Variants in PRKN observed in about 807,000 individuals in gnomAD.
PRKN encodes the protein parkin RBR E3 ubiquitin protein ligase.
In PRKN, 56 loss-of-function variants were observed where a neutral mutation model predicts 59.5. That is an observed-to-expected ratio of 0.94 (90% CI 0.76 to 1.18). The LOEUF (loss-of-function observed/expected upper bound fraction) is 1.18. Ranked by LOEUF, PRKN falls within the 50% of genes most tolerant of loss-of-function variation. The pLI is 0.00. For missense variants in PRKN, 657 were observed against 596.4 expected, an observed-to-expected ratio of 1.10 and a Z score of -1.06; for synonymous variants, 250 against 222.1, an observed-to-expected ratio of 1.13 and a Z score of -1.12.
rs1245394434 is a variant in PRKN at position 162,074,182 on chromosome 6, G to A, written c.535-20008C>T. ...TGCTGCTATAAAGACACATGCACACGTATGTTTATTGCCGCATTATTCACA... is the reference window on the plus strand; with the variant it reads ...TGCTGCTATAAAGACACATGCACACATATGTTTATTGCCGCATTATTCACA... On this transcript the variant is annotated intron_variant, in intron 4 of 11. Transcript: ENST00000366898. 4.0e-4 allele frequency among the ~76,000 whole-genome samples: 56 copies of A among 139,274 alleles called. 1 individual carries two copies. Among genetic ancestry groups the A allele is most frequent in the African/African-American group, 1.5e-3 (54 of 36,484 alleles). The allele number at this position is 139,274 out of a possible 152,430, so 91.4% of individuals were successfully genotyped here. A position where few individuals can be genotyped will look rare whatever the true frequency, so the allele number is the denominator to read the frequency against.
rs193071213 is a variant in PRKN, at chr6:161,856,440, C to T, written c.735-70532G>A. 2.0e-4 allele frequency among the ~76,000 whole-genome samples: 31 copies of T among 151,998 alleles called. No homozygotes were observed. The East Asian group carries it at 5.2e-3, about 26-fold the overall frequency. Reference sequence around the variant, plus strand: ...GAGCTTCTGTAGGATGAAAAAAAGGCGCTGATATATGCTTTCTGTAATTTG... The same window carrying T: ...GAGCTTCTGTAGGATGAAAAAAAGGTGCTGATATATGCTTTCTGTAATTTG... On this transcript the variant is annotated intron_variant, in intron 6 of 11. Coordinates refer to ENST00000366898, the MANE Select transcript of PRKN (RefSeq NM_004562.3).
At chr6:161,916,808 CTTTTTT>C (rs761940319) in intron 6 of PRKN, among the ~76,000 whole-genome samples, 1 of 151,662 alleles carries the variant, frequency 6.6e-6, no homozygotes, top group Admixed American at 6.6e-5. Flanking sequence ...TTTTCTTTTT[CTTTTTT>C]TTGAGGCGGA....
chr6:162,548,106 C>G (rs1779189093), intron 1 of PRKN, among the ~76,000 whole-genome samples: 1 of 152,094 alleles, frequency 6.6e-6, no homozygotes, highest in African/African-American at 2.4e-5. Context: ...TGTCACCAGG[C>G]TCGTGTGCAG....
chr6:162,614,187 G>T (rs1287452774), intron 1 of PRKN, among the ~76,000 whole-genome samples: 1 of 152,088 alleles, frequency 6.6e-6, no homozygotes, highest in Non-Finnish European at 1.5e-5. Flanking sequence ...ACATGTAAGA[G>T]ATATCTGAAC....
chr6:162,476,661 T>C (rs1471538693), intron 1 of PRKN, among the ~76,000 whole-genome samples: 3 of 152,116 alleles, frequency 2.0e-5, no homozygotes, highest in African/African-American at 7.2e-5. Context: ...AAGCTCGGTC[T>C]TGCCTGGTTC....
chr6:162,598,163 T>C lies in PRKN; in HGVS notation c.7+129499A>G, dbSNP rs192599269. Reference sequence around the variant, plus strand: ...GCATTTTCATTTTAAATTTTAACTTTCTTATAAATTTCTGAGAAATTGTTT... The same window carrying C: ...GCATTTTCATTTTAAATTTTAACTTCCTTATAAATTTCTGAGAAATTGTTT... On this transcript the variant is annotated intron_variant, in intron 1 of 11. Coordinates refer to ENST00000366898, the MANE Select transcript of PRKN (RefSeq NM_004562.3). Among the ~76,000 whole-genome samples the C allele has an allele frequency of 1.5e-3, 226 of 152,284 alleles. 1 individual carries two copies. Among genetic ancestry groups the C allele is most frequent in the Middle Eastern group, 3.4e-3 (1 of 294 alleles).
intron 6 of PRKN, among the ~76,000 whole-genome samples, chr6:161,843,984 C>G (rs1251224080): frequency 6.6e-6 from 1 of 152,096 alleles, no homozygotes; most frequent in Non-Finnish European, 1.5e-5. Flanking sequence ...TCTGTGAATT[C>G]CACTTGAAAG....
intron 5 of PRKN, among the ~76,000 whole-genome samples, chr6:162,044,664 T>C (rs938816611): frequency 5.9e-5 from 9 of 152,186 alleles, no homozygotes; most frequent in African/African-American, 2.2e-4. Flanking sequence ...AAGTGGCCAG[T>C]AGGATTACGG....
chr6:162,570,001 C>G (rs1056782237), intron 1 of PRKN, among the ~76,000 whole-genome samples: 1 of 152,174 alleles, frequency 6.6e-6, no homozygotes, highest in African/African-American at 2.4e-5. Context: ...AGGATACAAT[C>G]AACAAAGTGA....
At chr6:162,302,755 A>C (rs76523406) in intron 2 of PRKN, among the ~76,000 whole-genome samples, 2,057 of 152,216 alleles carry the variant, frequency 0.014, 103 homozygotes, top group Admixed American at 0.09. Context: ...GATCACCAAC[A>C]GGGGTCTCTT....
chr6:162,418,613 A>AGTGTGTGTGTGTGTGT (rs140621171), intron 2 of PRKN, among the ~76,000 whole-genome samples: 5,331 of 126,264 alleles, frequency 0.042, 199 homozygotes, highest in East Asian at 0.078. Flanking sequence ...AGGGACAGAC[A>AGTGTGTGTGTGTGTGT]GTGTGTGTGT....
intron 4 of PRKN, among the ~76,000 whole-genome samples, chr6:162,072,420 C>T (rs999542477): frequency 2.0e-5 from 3 of 152,204 alleles, no homozygotes; most frequent in Non-Finnish European, 2.9e-5. Flanking sequence ...GTAGGTTTTG[C>T]GGGAAGAAGT....
intron 1 of PRKN, among the ~76,000 whole-genome samples, chr6:162,515,310 T>C (rs1477787305): frequency 6.6e-6 from 1 of 152,270 alleles, no homozygotes; most frequent in Admixed American, 6.5e-5. Flanking sequence ...CTTGAACTCC[T>C]GACCTCAGGT....
At chr6:162,722,163 C>T (rs2128240866) in intron 1 of PRKN, among the ~76,000 whole-genome samples, 1 of 152,166 alleles carries the variant, frequency 6.6e-6, no homozygotes, top group Non-Finnish European at 1.5e-5. Flanking sequence ...CTATGTGTAC[C>T]CATCCCTACC....
At chr6:162,182,903 G>A (rs1011089159) in intron 4 of PRKN, among the ~76,000 whole-genome samples, 3 of 151,606 alleles carry the variant, frequency 2.0e-5, no homozygotes, top group Admixed American at 6.6e-5. Context: ...GTAAACTAAA[G>A]TTTTGTGAAA....
chr6:161,805,564 T>C (rs1791282597), intron 6 of PRKN, among the ~76,000 whole-genome samples: 1 of 152,294 alleles, frequency 6.6e-6, no homozygotes, highest in East Asian at 1.9e-4. Flanking sequence ...TACTATTTCC[T>C]GTTGCTCTAG....
chr6:161,740,718 C>T (rs1217012865), intron 7 of PRKN, among the ~76,000 whole-genome samples: 5 of 152,270 alleles, frequency 3.3e-5, no homozygotes, highest in African/African-American at 1.2e-4. Flanking sequence ...TGAGCCCAAG[C>T]TTTGCAGCTG....
chr6:161,707,791 C>T (rs1252768886), intron 7 of PRKN, among the ~76,000 whole-genome samples: 1 of 152,140 alleles, frequency 6.6e-6, no homozygotes, highest in Non-Finnish European at 1.5e-5. Context: ...AGTCCTCATC[C>T]TACACCTCCG....
chr6:161,612,620 C>A (rs746104528), intron 7 of PRKN, among the ~76,000 whole-genome samples: 3 of 150,720 alleles, frequency 2.0e-5, no homozygotes, highest in Non-Finnish European at 2.9e-5. Flanking sequence ...ACTCAGGAGG[C>A]CGAGGCAGGA....
Sources: gnomAD v4.1 joint callset for allele counts (sites outside exome capture counted in the v4.1 genomes callset) on GRCh38, gnomAD v4.1.1 for gene constraint, MANE v1.5 for transcripts, NCBI Gene and HGNC (gene_info 2026-07-23, HGNC 2026-07-21) for gene names.